GARRE1: variants seen among roughly 807,000 people sequenced by gnomAD.
GARRE1 encodes the protein granule associated Rac and RHOG effector protein 1.
GARRE1 carries 49 observed loss-of-function variants against 103.2 expected under a neutral mutation model. That is an observed-to-expected ratio of 0.47 (90% CI 0.38 to 0.60). The LOEUF (loss-of-function observed/expected upper bound fraction) is 0.60. Among genes scored for constraint, GARRE1 ranks in the 20% least tolerant of loss-of-function variants. GARRE1 has a pLI of 0.00. For synonymous variants in GARRE1, 505 were observed against 532.8 expected (o/e 0.95, Z 0.72); for missense variants, 1,199 against 1,370.5 (o/e 0.87, Z 1.98).
Position 34,290,811 on chromosome 19 carries a change from G to A in GARRE1, c.-795-8868G>A, listed in dbSNP as rs953371363. 4.3e-5 allele frequency among the ~76,000 whole-genome samples: 6 copies of A among 139,802 alleles called. No individual in the cohort carries two copies. The East Asian group carries it at 1.6e-3, about 36-fold the overall frequency. 91.7% of individuals were successfully genotyped at this position (139,802 alleles called of 152,430 possible). On this transcript the variant is annotated intron_variant, in intron 1 of 13. Coordinates refer to ENST00000299505, the MANE Select transcript of GARRE1 (RefSeq NM_014686.5). ...GCTACAAAGTCTATTTTGTGATAAA[G>A]TTATAAAGAAATTTGGATCAAAACT...
intron 2 of GARRE1, among the ~76,000 whole-genome samples, chr19:34,304,343 G>A (rs1328385141): frequency 3.3e-5 from 5 of 151,208 alleles, no homozygotes; most frequent in Non-Finnish European, 7.4e-5. Flanking sequence ...GGGATCACAG[G>A]CGTGGGCCAC....
At chr19:34,330,085 A>T (rs1181065909) in intron 6 of GARRE1, 104 bp from the exon 7 acceptor site, 5 of 1,019,036 alleles carry the variant, frequency 4.9e-6, no homozygotes, top group Non-Finnish European at 7.2e-6. Context: ...ACATAAATAA[A>T]ATGCTCTTCT....
intron 3 of GARRE1, 100 bp downstream of exon 3, chr19:34,320,216 A>G: frequency 4.1e-6 from 4 of 984,998 alleles, no homozygotes; most frequent in Non-Finnish European, 6.2e-6. Context: ...TCATTTAGAA[A>G]TGTACATTTT....
chr19:34,298,277 A>ATGG (rs1250508527), intron 1 of GARRE1, among the ~76,000 whole-genome samples: 4 of 151,920 alleles, frequency 2.6e-5, no homozygotes, highest in Non-Finnish European at 5.9e-5. Context: ...TTAACCAAGC[A>ATGG]TGGTGGTACA....
chr19:34,352,381 G>C lies in GARRE1; in HGVS notation c.2905-266G>C, dbSNP rs1226305771. Among the ~76,000 whole-genome samples, 22 of 149,944 alleles carry C rather than the reference G, an allele frequency of 1.5e-4. No individual in the cohort carries two copies. In the South Asian group the frequency reaches 4.7e-3, roughly 32 times the overall value. On this transcript the variant is annotated intron_variant, in intron 13 of 13. Transcript: ENST00000299505. ...CGTACCACTGCACTCCAGCCTGGGC[G>C]AGAGACAGACTGCATCTCAAAAAAA...
chr19:34,321,050 CTTTTT>C (rs33942697), intron 3 of GARRE1, among the ~76,000 whole-genome samples: 1 of 55,734 alleles, frequency 1.8e-5, no homozygotes, highest in East Asian at 6.9e-4. Context: ...AGACAAGATT[CTTTTT>C]TTTTTTTTTT....
intron 7 of GARRE1, among the ~76,000 whole-genome samples, chr19:34,332,718 C>G (rs2074143251): frequency 6.6e-6 from 1 of 152,210 alleles, no homozygotes; most frequent in South Asian, 2.1e-4. Flanking sequence ...TGATACACAA[C>G]TCTGTACAGT....
At chr19:34,279,412 C>T (rs2073837580) in intron 1 of GARRE1, among the ~76,000 whole-genome samples, 1 of 151,848 alleles carries the variant, frequency 6.6e-6, no homozygotes, top group South Asian at 2.1e-4. Flanking sequence ...CTCAGGTGAT[C>T]CTCCCACCTC....
chr19:34,285,808 T>A (rs1434669414), intron 1 of GARRE1, among the ~76,000 whole-genome samples: 1 of 151,940 alleles, frequency 6.6e-6, no homozygotes, highest in Non-Finnish European at 1.5e-5. Context: ...TTCCATGACA[T>A]TTTAAAAAAA....
chr19:34,287,053 G>T (rs1369460645), intron 1 of GARRE1, among the ~76,000 whole-genome samples: 1 of 151,354 alleles, frequency 6.6e-6, no homozygotes, highest in Non-Finnish European at 1.5e-5. Flanking sequence ...GCAGGAGAAT[G>T]GCGTGAACCC....
intron 1 of GARRE1, among the ~76,000 whole-genome samples, chr19:34,266,319 A>C (rs4805079): frequency 0.78 from 118,087 of 152,148 alleles, 46,410 homozygotes; most frequent in African/African-American, 0.83. Context: ...GTTTGACCTG[A>C]TGAAATATTG....
intron 10 of GARRE1, 111 bp downstream of exon 10, chr19:34,342,566 C>T (rs2145280527): frequency 1.0e-6 from 1 of 998,714 alleles, no homozygotes; most frequent in Non-Finnish European, 1.5e-6. Context: ...ATCATTTAAT[C>T]CCCCTTTACG....
chr19:34,349,156 A>C lies in GARRE1; in HGVS notation c.2825+3A>C. The C allele has an allele frequency of 6.2e-7, 1 of 1,611,760 alleles. No individual in the cohort carries two copies. Among genetic ancestry groups the C allele is most frequent in the Non-Finnish European group, 8.5e-7 (1 of 1,179,946 alleles). On this transcript the variant is annotated splice_donor_region_variant and intron_variant, in intron 12 of 13. Coordinates refer to ENST00000299505, the MANE Select transcript of GARRE1 (RefSeq NM_014686.5). ...GTTGCTGCTGTCAAGCAGAGAAGGT[A>C]TGAAGGGATTTCTAAACCAAGGTGG...
At chr19:34,268,052 G>A (rs780212261) in intron 1 of GARRE1, among the ~76,000 whole-genome samples, 1 of 151,422 alleles carries the variant, frequency 6.6e-6, no homozygotes, top group Non-Finnish European at 1.5e-5. Flanking sequence ...GATTAGAGGC[G>A]TGAACCACTG....
At chr19:34,351,766 G>A (rs111590801) in intron 13 of GARRE1, among the ~76,000 whole-genome samples, 174 bp downstream of exon 13, 1,737 of 152,368 alleles carry the variant, frequency 0.011, 16 homozygotes, top group South Asian at 0.03. Context: ...TGTCCAGTGT[G>A]ATAGCCATTC....
intron 1 of GARRE1, among the ~76,000 whole-genome samples, chr19:34,260,550 C>CT (rs1308500847): frequency 6.6e-6 from 1 of 151,870 alleles, no homozygotes; most frequent in African/African-American, 2.4e-5. Context: ...TATTATTATA[C>CT]TTTAAGTTTT....
At chr19:34,349,180 G>A (rs751743722) in intron 12 of GARRE1, 27 bp downstream of exon 12, 44 of 1,608,244 alleles carry the variant, frequency 2.7e-5, no homozygotes, top group Non-Finnish European at 3.7e-5. Flanking sequence ...AAACCAAGGT[G>A]GGGAGAGAAG....
intron 1 of GARRE1, among the ~76,000 whole-genome samples, chr19:34,273,734 G>A (rs1350466128): frequency 1.3e-5 from 2 of 152,140 alleles, no homozygotes; most frequent in African/African-American, 4.8e-5. Flanking sequence ...CGCTCAGTCT[G>A]TCAAAGTGGT....
chr19:34,256,223 A>T (rs1040737791), intron 1 of GARRE1, among the ~76,000 whole-genome samples: 1 of 152,006 alleles, frequency 6.6e-6, no homozygotes, highest in South Asian at 2.1e-4. Context: ...TCATAAAAAA[A>T]AATTCCAGCC....
Sources: allele counts gnomAD v4.1 joint callset (sites outside exome capture counted in the v4.1 genomes callset), GRCh38; gene constraint gnomAD v4.1.1; transcripts MANE v1.5; gene names NCBI Gene and HGNC (gene_info 2026-07-23, HGNC 2026-07-21).